The following CAPN2 variants were observed in gnomAD, a reference collection of about 807,000 sequenced individuals.
CAPN2 encodes calpain-2 catalytic subunit.
In CAPN2, 92 loss-of-function variants were observed where a neutral mutation model predicts 102.3. That is an observed-to-expected ratio of 0.90 (90% confidence interval 0.76 to 1.07). The LOEUF is 1.07. Among genes scored for constraint, CAPN2 ranks in the 50% least tolerant of loss-of-function variants. CAPN2 has a pLI of 0.00. For missense variants in CAPN2, 800 were observed against 909.4 expected (o/e 0.88, Z 1.55); for synonymous variants, 340 against 355.4 (o/e 0.96, Z 0.49).
intron 1 of CAPN2, among the ~76,000 whole-genome samples, chr1:223,717,119 A>G (rs1454505203): frequency 6.6e-6 from 1 of 152,148 alleles, no homozygotes; most frequent in Admixed American, 6.5e-5. Flanking sequence ...TGTAAGTTTC[A>G]TGGTCCCATG....
At chr1:223,710,924 C>T (rs2102769395), upstream of CAPN2, among the ~76,000 whole-genome samples, 1 of 138,380 alleles carries the variant, frequency 7.2e-6, no homozygotes, top group East Asian at 2.3e-4. Flanking sequence ...ATGTATAAAA[C>T]CAAGCTGCAC....
chr1:223,758,981 A>G, intron 11 of CAPN2: 1 of 424,608 alleles, frequency 2.4e-6, no homozygotes, highest in Non-Finnish European at 4.4e-6. Context: ...GTGAGCCACC[A>G]CACCTAACAA....
chr1:223,719,513 G>A (rs1241325038), intron 2 of CAPN2, among the ~76,000 whole-genome samples: 6 of 152,068 alleles, frequency 3.9e-5, no homozygotes, highest in African/African-American at 1.2e-4. Flanking sequence ...CACTTCAGCC[G>A]GGGTGACAGA....
intron 2 of CAPN2, among the ~76,000 whole-genome samples, chr1:223,736,158 C>G (rs1660451928): frequency 6.6e-6 from 1 of 152,188 alleles, no homozygotes; most frequent in Admixed American, 6.5e-5. Context: ...AGCAGGGACC[C>G]CGCCTCTGGG....
At chr1:223,712,348 C>A (rs1659750508), upstream of CAPN2, 3 of 722,206 alleles carry the variant, frequency 4.2e-6, no homozygotes, top group Non-Finnish European at 5.1e-6. Flanking sequence ...CGGCGCCGGG[C>A]CGCGCCATCC....
chr1:223,743,633 G>C (rs1231489212), intron 2 of CAPN2, among the ~76,000 whole-genome samples: 11 of 152,166 alleles, frequency 7.2e-5, no homozygotes, highest in Admixed American at 6.5e-4. Context: ...TCGTATTATA[G>C]CTGGGACTCC....
intron 13 of CAPN2, chr1:223,761,827 C>G (rs1163084162): frequency 1.8e-6 from 1 of 541,434 alleles, no homozygotes; most frequent in Admixed American, 3.4e-5. Flanking sequence ...TTGGGCTGTG[C>G]TAGCCACTGT....
rs1363724148 is a variant in CAPN2 at position 223,727,133 on chromosome 1, T to C, written c.307+9302T>C. On this transcript the variant is annotated intron_variant, in intron 2 of 20. Transcript: ENST00000295006. The surrounding 1 kb of genome is among the most constrained non-coding windows in gnomAD (Gnocchi z 4.1). ...TCAGGTCTGCTGGAGATTGTTAAAA[T>C]GCTGTTGTCTCAGGAAGGGTGAAAT... 1.0e-5 allele frequency among the ~76,000 whole-genome samples: 1 copy of C among 95,938 alleles called. No homozygotes were observed. The highest frequency in any genetic ancestry group is 3.1e-5 in the African/African-American group (1 of 32,108). 62.9% of individuals were successfully genotyped at this position (95,938 alleles called of 152,430 possible).
chr1:223,764,484 C>G (rs1351722579), intron 15 of CAPN2, among the ~76,000 whole-genome samples: 1 of 152,120 alleles, frequency 6.6e-6, no homozygotes, highest in African/African-American at 2.4e-5. Flanking sequence ...GACAGAGTCT[C>G]ACTCTGTCGC....
intron 2 of CAPN2, among the ~76,000 whole-genome samples, chr1:223,723,263 G>A (rs1283631731): frequency 6.6e-6 from 1 of 152,148 alleles, no homozygotes. Flanking sequence ...GCTGTGAGCC[G>A]TGCACTCCAG....
intron 2 of CAPN2, among the ~76,000 whole-genome samples, chr1:223,740,056 T>G (rs1156472945): frequency 6.6e-6 from 1 of 152,156 alleles, no homozygotes; most frequent in Non-Finnish European, 1.5e-5. Flanking sequence ...TAAGGTAGAT[T>G]CTGACCTTGA....
intron 2 of CAPN2, among the ~76,000 whole-genome samples, chr1:223,736,765 C>T (rs530670471): frequency 6.6e-6 from 1 of 152,324 alleles, no homozygotes; most frequent in South Asian, 2.1e-4. Context: ...TAAGTCTAGG[C>T]TGGTCACGGT....
rs35138708 is a variant in CAPN2 at position 223,720,315 on chromosome 1, C to CTTT, written c.307+2501_307+2503dup. Among the ~76,000 whole-genome samples, 210 of 107,432 alleles carry CTTT rather than the reference C, an allele frequency of 2.0e-3. 4 individuals are homozygous for CTTT. The highest frequency in any genetic ancestry group is 3.9e-3 in the South Asian group (13 of 3,346). The allele number at this position is 107,432 out of a possible 152,430, so 70.5% of individuals were successfully genotyped here. The stretch of plus-strand genomic sequence containing the variant: ...TCATCCTTATTTTCTCTCTTTCTCT[C>CTTT]TTTTTTTTTTTTTTTTTTTGACAGG... On this transcript the variant is annotated intron_variant, in intron 2 of 20. Coordinates refer to ENST00000295006, the MANE Select transcript of CAPN2 (RefSeq NM_001748.5).
chr1:223,767,525 T>G (rs1430238901), intron 16 of CAPN2, among the ~76,000 whole-genome samples: 2 of 151,298 alleles, frequency 1.3e-5, no homozygotes, highest in Admixed American at 1.3e-4. Flanking sequence ...GAACTCATCA[T>G]TTTTTATGGC....
At chr1:223,762,126 C>A in intron 13 of CAPN2, 60 bp from the exon 14 acceptor site, 1 of 1,448,128 alleles carries the variant, frequency 6.9e-7, no homozygotes, top group Non-Finnish European at 9.7e-7. Context: ...GAAGGGCGGG[C>A]AGACACTTGG....
intron 7 of CAPN2, among the ~76,000 whole-genome samples, 159 bp downstream of exon 7, chr1:223,751,134 A>C (rs12239445): frequency 1.4e-4 from 22 of 152,106 alleles, no homozygotes; most frequent in African/African-American, 5.1e-4. Context: ...GGGCCCCTCA[A>C]AGGGTCTTTT....
At chr1:223,750,545 T>A (rs1660860635) in intron 6 of CAPN2, among the ~76,000 whole-genome samples, 1 of 152,200 alleles carries the variant, frequency 6.6e-6, no homozygotes. Flanking sequence ...TCACCAGTGA[T>A]CTTTCAACAA....
intron 16 of CAPN2, among the ~76,000 whole-genome samples, chr1:223,767,731 T>C (rs1235059084): frequency 2.3e-4 from 34 of 150,034 alleles, no homozygotes; most frequent in African/African-American, 8.0e-4. Flanking sequence ...GGTCAAATGA[T>C]ATTTCTAGTT....
chr1:223,767,710 T>C (rs994333294), intron 16 of CAPN2, among the ~76,000 whole-genome samples: 2 of 149,806 alleles, frequency 1.3e-5, no homozygotes, highest in African/African-American at 4.9e-5. Flanking sequence ...TACCCAGTAA[T>C]GGGATGGCTG....
Sources: allele counts gnomAD v4.1 joint callset (sites outside exome capture counted in the v4.1 genomes callset), GRCh38; gene constraint gnomAD v4.1.1; non-coding constraint Gnocchi (gnomAD v3.1); transcripts MANE v1.5; gene names NCBI Gene and HGNC (gene_info 2026-07-23, HGNC 2026-07-21).